The following EPB41 variants were observed in gnomAD, a reference collection of about 807,000 sequenced individuals.
EPB41 encodes the protein erythrocyte membrane protein band 4.1.
A neutral mutation model predicts 108.0 loss-of-function variants in EPB41; 65 were observed. The ratio of observed to expected loss-of-function variants is 0.60; its 90% confidence interval spans 0.49 to 0.74. The LOEUF is 0.74. Among genes scored for constraint, EPB41 ranks in the 30% least tolerant of loss-of-function variants. The probability of loss-of-function intolerance (pLI) is 0.00; values close to 1 mark genes in which losing one functional copy is unlikely to be tolerated. For missense variants in EPB41, 875 were observed against 1,037.0 expected, an observed-to-expected ratio of 0.84 and a Z score of 2.15; for synonymous variants, 336 against 358.9, an observed-to-expected ratio of 0.94 and a Z score of 0.72.
intron 16 of EPB41, among the ~76,000 whole-genome samples, chr1:29,077,162 A>T (rs567415330): frequency 7.9e-5 from 12 of 152,246 alleles, no homozygotes; most frequent in African/African-American, 2.9e-4. Flanking sequence ...CCCAGAAGCC[A>T]CTGTCTCTCT....
At chr1:29,086,342 C>T (rs1478628103) in intron 16 of EPB41, among the ~76,000 whole-genome samples, 5 of 149,026 alleles carry the variant, frequency 3.4e-5, no homozygotes, top group South Asian at 2.1e-4. Flanking sequence ...GGTGCCATCT[C>T]GGCTCACTGC....
rs200923814 is a variant in EPB41 at position 28,957,413 on chromosome 1, C to CT, written c.-7-30009dup. The stretch of plus-strand genomic sequence containing the variant: ...CTGCCTGACAGAAACATTGCTAAAA[C>CT]TTTTTTTTTGAAACGGAGTCTCACT... On this transcript the variant is annotated intron_variant, in intron 1 of 20. Coordinates refer to ENST00000343067, the MANE Select transcript of EPB41 (RefSeq NM_001376013.1). Among the ~76,000 whole-genome samples, 572 of 151,782 alleles carry CT rather than the reference C, an allele frequency of 3.8e-3. 6 individuals carry two copies. Among genetic ancestry groups the CT allele is most frequent in the African/African-American group, 0.013 (529 of 41,448 alleles).
intron 2 of EPB41, among the ~76,000 whole-genome samples, chr1:28,988,242 A>G (rs2095915963): frequency 6.6e-6 from 1 of 152,230 alleles, no homozygotes; most frequent in Non-Finnish European, 1.5e-5. Flanking sequence ...CCTAGGCAAC[A>G]AGGATGAGAT....
chr1:28,984,627 A>C (rs1387117700), intron 1 of EPB41, among the ~76,000 whole-genome samples: 1 of 151,890 alleles, frequency 6.6e-6, no homozygotes, highest in Non-Finnish European at 1.5e-5. Flanking sequence ...AGATATATTC[A>C]GTGAAATCAA....
chr1:28,979,416 T>A (rs2095682246), intron 1 of EPB41, among the ~76,000 whole-genome samples: 1 of 151,520 alleles, frequency 6.6e-6, no homozygotes, highest in South Asian at 2.1e-4. Flanking sequence ...CAAATTATAT[T>A]CAATTGTGTA....
At chr1:29,080,282 C>T (rs1310236641) in intron 16 of EPB41, among the ~76,000 whole-genome samples, 1 of 151,926 alleles carries the variant, frequency 6.6e-6, no homozygotes, top group Non-Finnish European at 1.5e-5. Flanking sequence ...CCGCACCCGG[C>T]TAATTTTTGC....
chr1:29,003,614 G>A (rs1373413597), intron 4 of EPB41, among the ~76,000 whole-genome samples: 2 of 152,118 alleles, frequency 1.3e-5, no homozygotes, highest in African/African-American at 4.8e-5. Flanking sequence ...CTTTGTATAT[G>A]TAACTTCTGT....
intron 4 of EPB41, among the ~76,000 whole-genome samples, chr1:28,997,975 T>C (rs1446543479): frequency 6.6e-6 from 1 of 152,162 alleles, no homozygotes; most frequent in Non-Finnish European, 1.5e-5. Context: ...TTAACATAAA[T>C]ATAATGATGA....
At chr1:29,055,292 A>G (rs1473880625) in intron 12 of EPB41, among the ~76,000 whole-genome samples, 1 of 152,174 alleles carries the variant, frequency 6.6e-6, no homozygotes, top group Non-Finnish European at 1.5e-5. Flanking sequence ...TATTTGTTAT[A>G]CTAACTAAAA....
intron 11 of EPB41, among the ~76,000 whole-genome samples, chr1:29,047,270 GGA>G (rs1210256025): frequency 9.3e-5 from 3 of 32,232 alleles, no homozygotes; most frequent in African/African-American, 5.8e-4. Flanking sequence ...TTTTTTTTTT[GGA>G]GAGAGAGTCT....
intron 1 of EPB41, among the ~76,000 whole-genome samples, chr1:28,933,465 T>C (rs1396537709): frequency 6.6e-6 from 1 of 152,220 alleles, no homozygotes; most frequent in Non-Finnish European, 1.5e-5. Flanking sequence ...GTGATTGGAT[T>C]TGGAACTCTC....
chr1:29,042,770 C>T (rs1642002608), intron 11 of EPB41, among the ~76,000 whole-genome samples: 1 of 151,744 alleles, frequency 6.6e-6, no homozygotes, highest in Admixed American at 6.6e-5. Flanking sequence ...TGACACCCCC[C>T]AACTTTTTTT....
chr1:29,017,392 A>T (rs1442073645), intron 6 of EPB41, among the ~76,000 whole-genome samples: 2 of 152,220 alleles, frequency 1.3e-5, no homozygotes, highest in Non-Finnish European at 2.9e-5. Flanking sequence ...TGGTGAACTC[A>T]GTCAGTTAGA....
chr1:28,924,104 T>C (rs2093306151), intron 1 of EPB41, among the ~76,000 whole-genome samples: 1 of 152,346 alleles, frequency 6.6e-6, no homozygotes, highest in East Asian at 1.9e-4. Context: ...GATGTCCATG[T>C]GGTTAAAAAC....
chr1:29,060,550 C>G, intron 15 of EPB41, 66 bp downstream of exon 15: 1 of 1,410,924 alleles, frequency 7.1e-7, no homozygotes, highest in South Asian at 1.2e-5. Flanking sequence ...TTGCTGATCC[C>G]CTTTTCTTCA....
intron 1 of EPB41, among the ~76,000 whole-genome samples, chr1:28,953,452 G>A (rs551141257): frequency 6.6e-6 from 1 of 152,308 alleles, no homozygotes; most frequent in African/African-American, 2.4e-5. Context: ...CCAGGGACCA[G>A]ATGAAACATA....
chr1:28,943,908 A>G (rs1219196603), intron 1 of EPB41, among the ~76,000 whole-genome samples: 2 of 152,218 alleles, frequency 1.3e-5, no homozygotes, highest in Non-Finnish European at 2.9e-5. Flanking sequence ...AGGTATCTGC[A>G]CTCCAATGTT....
At chr1:29,050,430 T>C (rs1278816473) in intron 11 of EPB41, among the ~76,000 whole-genome samples, 1 of 152,230 alleles carries the variant, frequency 6.6e-6, no homozygotes, top group African/African-American at 2.4e-5. Context: ...ATGCCAGGCA[T>C]AGTTGAATTA....
At chr1:28,987,041 T>TG (rs1273455757) in intron 1 of EPB41, among the ~76,000 whole-genome samples, 1 of 152,194 alleles carries the variant, frequency 6.6e-6, no homozygotes, top group Non-Finnish European at 1.5e-5. Context: ...GAATAATTCC[T>TG]GCAAATCCTA....
Sources: allele counts gnomAD v4.1 joint callset (sites outside exome capture counted in the v4.1 genomes callset), GRCh38; gene constraint gnomAD v4.1.1; transcripts MANE v1.5; gene names NCBI Gene and HGNC (gene_info 2026-07-23, HGNC 2026-07-21).